The following SNX3 variants were observed in gnomAD, a reference collection of about 807,000 sequenced individuals.
The protein encoded by SNX3 is sorting nexin 3.
A neutral mutation model predicts 17.7 loss-of-function variants in SNX3; 5 were observed. The ratio of observed to expected loss-of-function variants is 0.28; its 90% CI spans 0.15 to 0.59. SNX3 has a LOEUF of 0.59. Ranked by LOEUF, SNX3 falls within the 20% of genes least tolerant of loss-of-function variation. The probability of loss-of-function intolerance (pLI) is 0.88; values close to 1 mark genes in which losing one functional copy is unlikely to be tolerated. For missense variants in SNX3, 132 were observed against 206.8 expected, an observed-to-expected ratio of 0.64 and a Z score of 2.22; for synonymous variants, 91 against 76.5, an observed-to-expected ratio of 1.19 and a Z score of -0.99.
At chr6:108,243,702 C>T (rs780780162) in intron 1 of SNX3, among the ~76,000 whole-genome samples, 14 of 152,014 alleles carry the variant, frequency 9.2e-5, no homozygotes, top group Non-Finnish European at 1.6e-4. Context: ...AAGCCGAGGG[C>T]GGGGTGGATC....
At chr6:108,226,756 T>C (rs2114722586) in intron 1 of SNX3, among the ~76,000 whole-genome samples, 1 of 152,322 alleles carries the variant, frequency 6.6e-6, no homozygotes, top group Admixed American at 6.5e-5. Flanking sequence ...CATTTTGTAG[T>C]GGTCTCAATT....
intron 2 of SNX3, among the ~76,000 whole-genome samples, chr6:108,221,494 AACGAGGAATACAGTATT>A (rs1258734479): frequency 1.3e-5 from 2 of 150,224 alleles, no homozygotes; most frequent in African/African-American, 2.4e-5. Flanking sequence ...AAACATTCCA[AACGAGGAATACAGTATT>A]ACAAGGAATA....
intron 1 of SNX3, among the ~76,000 whole-genome samples, chr6:108,238,525 G>T (rs1318104475): frequency 6.6e-6 from 1 of 152,132 alleles, no homozygotes; most frequent in Non-Finnish European, 1.5e-5. Context: ...AGCTACTAGG[G>T]AGCCTGAGGT....
chr6:108,249,987 T>C (rs1775800947), intron 1 of SNX3, among the ~76,000 whole-genome samples: 1 of 152,166 alleles, frequency 6.6e-6, no homozygotes, highest in South Asian at 2.1e-4. Context: ...CTTGGCTCAC[T>C]GTAACCTCCG....
At chr6:108,221,659 G>A (rs940506677) in intron 2 of SNX3, among the ~76,000 whole-genome samples, 5 of 142,694 alleles carry the variant, frequency 3.5e-5, no homozygotes, top group Admixed American at 3.1e-4. Flanking sequence ...TGATCCTCTT[G>A]CCTCAGCCTC....
intron 1 of SNX3, among the ~76,000 whole-genome samples, chr6:108,251,992 G>C (rs1262514240): frequency 6.6e-6 from 1 of 151,626 alleles, no homozygotes; most frequent in Non-Finnish European, 1.5e-5. Context: ...TTGAACCAGG[G>C]AGGCAGAGGC....
At chr6:108,257,934 A>T (rs1776078182) in intron 1 of SNX3, among the ~76,000 whole-genome samples, 1 of 152,140 alleles carries the variant, frequency 6.6e-6, no homozygotes, top group Admixed American at 6.5e-5. Context: ...ACTGCACTCC[A>T]GCCTGGCGAC....
intron 1 of SNX3, among the ~76,000 whole-genome samples, chr6:108,245,965 T>C (rs1023407456): frequency 1.2e-4 from 18 of 152,258 alleles, no homozygotes; most frequent in African/African-American, 4.1e-4. Flanking sequence ...TTGTCAATTT[T>C]GGCTTTTGTT....
chr6:108,227,758 A>G (rs914996446), intron 1 of SNX3, among the ~76,000 whole-genome samples: 7 of 152,066 alleles, frequency 4.6e-5, no homozygotes, highest in Admixed American at 4.6e-4. Flanking sequence ...CTTCCTCATC[A>G]TTACAAGGAT....
chr6:108,237,439 TA>T (rs763090004), intron 1 of SNX3, among the ~76,000 whole-genome samples: 39 of 152,186 alleles, frequency 2.6e-4, no homozygotes, highest in Non-Finnish European at 3.2e-4. Flanking sequence ...CATTAGCCAT[TA>T]AAATGATGTT....
At chr6:108,235,869 CAG>C (rs1218902068) in intron 1 of SNX3, among the ~76,000 whole-genome samples, 1 of 152,186 alleles carries the variant, frequency 6.6e-6, no homozygotes, top group Non-Finnish European at 1.5e-5. Context: ...GCCTCGGCGA[CAG>C]AGTGAGACTC....
At chr6:108,219,083 G>A (rs1186937123) in intron 2 of SNX3, among the ~76,000 whole-genome samples, 2 of 152,244 alleles carry the variant, frequency 1.3e-5, no homozygotes, top group Non-Finnish European at 2.9e-5. Flanking sequence ...CGGGCGGGGT[G>A]GCTCACGCCT....
chr6:108,259,037 C>G (rs533883081), intron 1 of SNX3, among the ~76,000 whole-genome samples: 118 of 151,102 alleles, frequency 7.8e-4, no homozygotes, highest in African/African-American at 2.7e-3. Context: ...TGTTTTAGCA[C>G]AAGAAAGAAA....
intron 1 of SNX3, among the ~76,000 whole-genome samples, chr6:108,225,645 C>G (rs1439429632): frequency 1.3e-5 from 2 of 150,902 alleles, no homozygotes; most frequent in Non-Finnish European, 3.0e-5. Context: ...CAAAACAAAA[C>G]AAAAAAAAGA....
chr6:108,222,255 T>C, intron 2 of SNX3: 3 of 1,304,274 alleles, frequency 2.3e-6, no homozygotes, highest in Non-Finnish European at 3.0e-6. Flanking sequence ...AAAATAACTT[T>C]TCATCATTCT....
At chr6:108,245,838 A>G (rs1582503216) in intron 1 of SNX3, among the ~76,000 whole-genome samples, 1 of 152,084 alleles carries the variant, frequency 6.6e-6, no homozygotes, top group Non-Finnish European at 1.5e-5. Flanking sequence ...TAGATTCTGG[A>G]TATTAGACCT....
intron 2 of SNX3, among the ~76,000 whole-genome samples, chr6:108,219,080 G>A (rs1268354102): frequency 6.6e-6 from 1 of 152,204 alleles, no homozygotes; most frequent in Admixed American, 6.5e-5. Context: ...GGTCGGGCGG[G>A]GTGGCTCACG....
chr6:108,218,718 T>C lies in SNX3; in HGVS notation c.259-4096A>G, dbSNP rs568359041. On this transcript the variant is annotated intron_variant, in intron 2 of 3. Transcript: ENST00000230085. ...GTAATTGATGCATGTTAGAAAAGCATGAACTGTGAAAACATGTTAAGTGAA... is the reference window on the plus strand; with the variant it reads ...GTAATTGATGCATGTTAGAAAAGCACGAACTGTGAAAACATGTTAAGTGAA... Among the ~76,000 whole-genome samples, 4 of 152,362 alleles carry C rather than the reference T, an allele frequency of 2.6e-5. No homozygotes were observed. The South Asian group carries it at 8.3e-4, about 32-fold the overall frequency.
chr6:108,246,528 C>T (rs997173769), intron 1 of SNX3, among the ~76,000 whole-genome samples: 7 of 150,898 alleles, frequency 4.6e-5, no homozygotes, highest in African/African-American at 7.3e-5. Flanking sequence ...TGGGGTTTCA[C>T]CATGTTGGAC....
Sources: allele counts gnomAD v4.1 joint callset (sites outside exome capture counted in the v4.1 genomes callset), GRCh38; gene constraint gnomAD v4.1.1; transcripts MANE v1.5; gene names NCBI Gene and HGNC (gene_info 2026-07-23, HGNC 2026-07-21).